The following CPAMD8 variants were observed in gnomAD, a reference collection of about 807,000 sequenced individuals.
CPAMD8 encodes C3 and PZP like alpha-2-macroglobulin domain containing 8, also known as C3 and PZP-like alpha-2-macroglobulin domain-containing protein 8.
Under a neutral mutation model 224.7 loss-of-function variants are expected in CPAMD8, and 146 were observed. The ratio of observed to expected loss-of-function variants is 0.65; its 90% CI spans 0.57 to 0.75. CPAMD8 has a LOEUF of 0.75. CPAMD8 is among the 30% of genes least tolerant of loss of function. CPAMD8 has a pLI of 0.00. For missense variants in CPAMD8, 2,301 were observed against 2,537.5 expected (o/e 0.91, Z 2.00); for synonymous variants, 966 against 1,044.6 (o/e 0.92, Z 1.45).
chr19:16,970,423 C>T (rs2055017883), intron 18 of CPAMD8, among the ~76,000 whole-genome samples: 1 of 151,356 alleles, frequency 6.6e-6, no homozygotes, highest in Non-Finnish European at 1.5e-5. Context: ...CCTGTCTCTA[C>T]TAAAAATACG....
chr19:16,947,253 G>A (rs1160522802), intron 20 of CPAMD8, 26 bp from the exon 21 acceptor site: 1 of 1,594,730 alleles, frequency 6.3e-7, no homozygotes, highest in Non-Finnish European at 8.6e-7. Flanking sequence ...TTGGCTCATG[G>A]CGCCTGGAAT....
chr19:16,900,604 A>G (rs2052212569), intron 36 of CPAMD8, among the ~76,000 whole-genome samples: 1 of 151,806 alleles, frequency 6.6e-6, no homozygotes, highest in Non-Finnish European at 1.5e-5. Flanking sequence ...TCAAATAATA[A>G]TAATAATAAT....
At chr19:16,939,223 G>A (rs553475088) in intron 22 of CPAMD8, among the ~76,000 whole-genome samples, 65 of 148,500 alleles carry the variant, frequency 4.4e-4, no homozygotes, top group African/African-American at 1.5e-3. Flanking sequence ...ATCTATCTAT[G>A]GACAGAGTCT....
chr19:17,024,283 T>C (rs543599951), intron 1 of CPAMD8, among the ~76,000 whole-genome samples: 12 of 152,286 alleles, frequency 7.9e-5, no homozygotes, highest in Admixed American at 7.2e-4. Context: ...CTTGAATAAT[T>C]ACCAGAGTTC....
chr19:16,949,062 G>GAGGGAGGAAGGA (rs1345149637), intron 20 of CPAMD8, among the ~76,000 whole-genome samples: 2 of 131,390 alleles, frequency 1.5e-5, no homozygotes, highest in African/African-American at 5.4e-5. Flanking sequence ...GGGGGGGAGG[G>GAGGGAGGAAGGA]AGGGAGGAAG....
intron 7 of CPAMD8, among the ~76,000 whole-genome samples, chr19:17,006,805 G>A (rs531363596): frequency 2.0e-5 from 3 of 152,210 alleles, no homozygotes; most frequent in South Asian, 2.1e-4. Flanking sequence ...CTGCCACCCC[G>A]GGCTGGGATA....
At position 17,019,971 on chromosome 19, in the gene CPAMD8, CTTT is replaced by C. The variant is rs569150151; in HGVS notation, c.267+357_267+359del. ...TTCAATTCTTTTTTTTTTTTCTTTT[CTTT>C]TTTTTTTTTTTTTTGGTGAGACGGA... is the stretch of plus-strand genomic sequence containing the variant. On this transcript the variant is annotated intron_variant, in intron 3 of 41. Coordinates refer to ENST00000443236, the MANE Select transcript of CPAMD8 (RefSeq NM_015692.5). Among the ~76,000 whole-genome samples the C allele has an allele frequency of 2.2e-4, 22 of 97,868 alleles. 1 individual carries two copies. Among genetic ancestry groups the C allele is most frequent in the Non-Finnish European group, 4.0e-4 (19 of 46,958 alleles). 64.2% of individuals were successfully genotyped at this position (97,868 alleles called of 152,430 possible). A position where few individuals can be genotyped will look rare whatever the true frequency, so the allele number is the denominator to read the frequency against.
chr19:16,996,639 C>T (rs1010780273), intron 11 of CPAMD8, among the ~76,000 whole-genome samples: 4 of 151,640 alleles, frequency 2.6e-5, no homozygotes, highest in East Asian at 1.9e-4. Flanking sequence ...GCCAACATGG[C>T]GAAACCCCGT....
chr19:16,907,117 C>T lies in CPAMD8; in HGVS notation c.3862G>A (p.Glu1288Lys), dbSNP rs2052550111. ...GCTTTGTCAGTGGAGCCTCTCTCCTCCTGCAGGGTGGGGTGGGAAGGTGAA... is the reference window on the plus strand; with the variant it reads ...GCTTTGTCAGTGGAGCCTCTCTCCTTCTGCAGGGTGGGGTGGGAAGGTGAA... ...ALLETGTASE[E>K]ERGSTDKARH... Residue 1288 changes from glutamate (E) to lysine (K), a missense_variant and splice_region_variant, in exon 30 of 42, where the codon GAG (glutamate) becomes AAG (lysine). By Grantham distance (56) the Glu-to-Lys change is moderately conservative. Coordinates refer to ENST00000443236, the MANE Select transcript of CPAMD8 (RefSeq NM_015692.5). 1 of 1,551,036 alleles carries T rather than the reference C, an allele frequency of 6.4e-7. No homozygotes were observed. Among genetic ancestry groups the T allele is most frequent in the Non-Finnish European group, 8.7e-7 (1 of 1,147,220 alleles).
At chr19:16,902,958 G>A in intron 34 of CPAMD8, 95 bp from the exon 35 acceptor site, 2 of 699,108 alleles carry the variant, frequency 2.9e-6, no homozygotes. Flanking sequence ...GGTGGGAACA[G>A]CCAGAATTAT....
At chr19:16,954,248 G>C (rs2054390210) in intron 19 of CPAMD8, among the ~76,000 whole-genome samples, 1 of 151,760 alleles carries the variant, frequency 6.6e-6, no homozygotes, top group South Asian at 2.1e-4. Context: ...CAGGAGAATT[G>C]TGTGAACCTG....
intron 18 of CPAMD8, among the ~76,000 whole-genome samples, chr19:16,966,378 C>T (rs2054828658): frequency 6.6e-6 from 1 of 152,118 alleles, no homozygotes; most frequent in Admixed American, 6.6e-5. Context: ...AGACCTAAAA[C>T]CATAAAAACT....
chr19:17,026,179 C>T (rs1026659865), intron 1 of CPAMD8, among the ~76,000 whole-genome samples: 1 of 152,210 alleles, frequency 6.6e-6, no homozygotes. Context: ...CCTCACCACG[C>T]CCACCCACGG....
intron 6 of CPAMD8, 24 bp downstream of exon 6, chr19:17,009,279 C>A (rs758738200): frequency 1.2e-6 from 2 of 1,613,876 alleles, no homozygotes; most frequent in South Asian, 2.2e-5. Context: ...AAGTCCAAGC[C>A]GAGGAAGGAC....
chr19:17,002,284 G>A lies in CPAMD8; in HGVS notation c.740C>T (p.Thr247Ile), dbSNP rs199556504. The change falls in exon 9 of 42, where the codon ACA (threonine) becomes ATA (isoleucine). Residue 247 changes from threonine to isoleucine, a missense_variant. Thr to Ile is a moderately conservative substitution (Grantham distance 89, BLOSUM62 -1). Coordinates refer to ENST00000443236, the MANE Select transcript of CPAMD8 (RefSeq NM_015692.5). ...TTCTCACCTGGCCCGCACAGTGCCT[G>A]TCTCACAGGCGTCCAGGTCTTGGAT... ...RYIQDLDACETGTVRARYTFG... is the reference protein window; with the variant it reads ...RYIQDLDACEIGTVRARYTFG... 3.7e-6 allele frequency: 6 copies of A among 1,600,956 alleles called. No individual in the cohort carries two copies. Among genetic ancestry groups the A allele is most frequent in the Non-Finnish European group, 5.1e-6 (6 of 1,172,354 alleles).
chr19:16,987,185 T>A (rs1199421216), intron 13 of CPAMD8, among the ~76,000 whole-genome samples: 2,019 of 63,602 alleles, frequency 0.032, 15 homozygotes, highest in Non-Finnish European at 0.045. Flanking sequence ...AAAAAATATA[T>A]ATATATATAT....
chr19:16,899,448 T>G lies in CPAMD8; in HGVS notation c.4848+27A>C. On this transcript the variant is annotated intron_variant, in intron 37 of 41. Transcript: ENST00000443236. The surrounding 1 kb of genome is among the most constrained non-coding windows in gnomAD (Gnocchi z 5.4). ...CACCAACATGCACACCAGGGAAGCC[T>G]CCTCCACCAACCCCGGCTGGTGGTA... 1 of 1,177,632 alleles carries G rather than the reference T, an allele frequency of 8.5e-7. No homozygotes were observed. Among genetic ancestry groups the G allele is most frequent in the South Asian group, 1.2e-5 (1 of 82,522 alleles). 72.9% of individuals were successfully genotyped at this position (1,177,632 alleles called of 1,614,324 possible).
chr19:16,931,245 G>A (rs73928699), intron 23 of CPAMD8, among the ~76,000 whole-genome samples: 7,510 of 152,148 alleles, frequency 0.049, 630 homozygotes, highest in African/African-American at 0.17. Context: ...GAGATAGGTC[G>A]GCCCAGCCCA....
rs916710173 is a variant in CPAMD8 at position 16,990,735 on chromosome 19, C to G, written c.1267-964G>C. 2.0e-5 allele frequency among the ~76,000 whole-genome samples: 3 copies of G among 151,328 alleles called. No individual in the cohort carries two copies. In the Admixed American group the frequency reaches 2.0e-4, roughly 10 times the overall value. ...AAAATTAGCCGGGCATGGTGGCCGG[C>G]AACTGTAGTCCCAGCTACTTGGGAG... On this transcript the variant is annotated intron_variant, in intron 12 of 41. Transcript: ENST00000443236.
Sources: allele counts gnomAD v4.1 joint callset (sites outside exome capture counted in the v4.1 genomes callset), GRCh38; gene constraint gnomAD v4.1.1; non-coding constraint Gnocchi (gnomAD v3.1); transcripts MANE v1.5; gene names NCBI Gene and HGNC (gene_info 2026-07-23, HGNC 2026-07-21).